The following CCSER1 variants were observed in gnomAD, a reference collection of about 807,000 sequenced individuals.
CCSER1 encodes the protein serine-rich coiled-coil domain-containing protein 1.
A neutral mutation model predicts 82.0 loss-of-function variants in CCSER1; 41 were observed. The ratio of observed to expected loss-of-function variants is 0.50; its 90% CI spans 0.39 to 0.65. The LOEUF (loss-of-function observed/expected upper bound fraction) is 0.65, where lower values mean the gene tolerates loss of function less well. Among genes scored for constraint, CCSER1 ranks in the 30% least tolerant of loss-of-function variants. The probability of loss-of-function intolerance (pLI) is 0.00; values close to 1 mark genes in which losing one functional copy is unlikely to be tolerated. For missense variants in CCSER1, 1,119 were observed against 1,064.2 expected (o/e 1.05, Z -0.72); for synonymous variants, 414 against 383.9 (o/e 1.08, Z -0.92).
chr4:90,960,975 A>G (rs1451086105), intron 9 of CCSER1, among the ~76,000 whole-genome samples: 1 of 152,174 alleles, frequency 6.6e-6, no homozygotes, highest in Non-Finnish European at 1.5e-5. Context: ...CTCAGAGTTC[A>G]TGCTCATAAT....
At chr4:90,710,259 A>G (rs557537478) in intron 6 of CCSER1, among the ~76,000 whole-genome samples, 113 of 151,544 alleles carry the variant, frequency 7.5e-4, no homozygotes, top group African/African-American at 2.6e-3. Context: ...ACTTCATTCT[A>G]GTGATAGTTT....
intron 10 of CCSER1, among the ~76,000 whole-genome samples, chr4:91,501,214 T>C (rs1326213746): frequency 6.6e-6 from 1 of 151,948 alleles, no homozygotes; most frequent in Non-Finnish European, 1.5e-5. Flanking sequence ...AATTATTTGA[T>C]TAGAAAATTA....
At chr4:90,833,361 G>T (rs1761378022) in intron 8 of CCSER1, among the ~76,000 whole-genome samples, 1 of 152,182 alleles carries the variant, frequency 6.6e-6, no homozygotes, top group Non-Finnish European at 1.5e-5. Context: ...TTGCATTGAA[G>T]ATTAAGTTTC....
At chr4:90,704,823 A>G (rs1017713618) in intron 6 of CCSER1, among the ~76,000 whole-genome samples, 17 of 152,262 alleles carry the variant, frequency 1.1e-4, no homozygotes, top group African/African-American at 4.1e-4. Context: ...TTTCAGCTCC[A>G]TCAGGTCATA....
intron 10 of CCSER1, among the ~76,000 whole-genome samples, chr4:91,163,280 A>G (rs1040517315): frequency 6.6e-6 from 1 of 152,208 alleles, no homozygotes; most frequent in Non-Finnish European, 1.5e-5. Context: ...GTTTGAGTAC[A>G]CTATGGTCTT....
intron 5 of CCSER1, among the ~76,000 whole-genome samples, chr4:90,565,953 C>A (rs1383067576): frequency 6.6e-6 from 1 of 151,452 alleles, no homozygotes; most frequent in African/African-American, 2.4e-5. Flanking sequence ...CTCTGCCTCC[C>A]GGGTTCAAGT....
At chr4:91,392,910 A>T (rs1248912377) in intron 10 of CCSER1, among the ~76,000 whole-genome samples, 2 of 152,080 alleles carry the variant, frequency 1.3e-5, no homozygotes, top group African/African-American at 4.8e-5. Flanking sequence ...TAAAGTGATA[A>T]AGAGATGGCT....
At chr4:90,937,047 A>C (rs938103129) in intron 9 of CCSER1, among the ~76,000 whole-genome samples, 1 of 152,198 alleles carries the variant, frequency 6.6e-6, no homozygotes, top group Non-Finnish European at 1.5e-5. Context: ...TTGTCTTCAT[A>C]AACCTCATAT....
At chr4:91,562,296 G>A (rs1045038840) in intron 10 of CCSER1, among the ~76,000 whole-genome samples, 13 of 151,174 alleles carry the variant, frequency 8.6e-5, no homozygotes, top group African/African-American at 2.9e-4. Context: ...TTGGATTATT[G>A]TAATGTCACC....
intron 10 of CCSER1, among the ~76,000 whole-genome samples, chr4:91,518,555 G>T (rs1361067895): frequency 6.6e-6 from 1 of 152,138 alleles, no homozygotes; most frequent in Non-Finnish European, 1.5e-5. Context: ...AGACTGTTCA[G>T]CCAGAGGGTG....
At position 91,202,227 on chromosome 4, in the gene CCSER1, A is replaced by ATATT. The variant is rs561121468; in HGVS notation, c.2217+116235_2217+116236insTTTA. ...TGTTGGGGAGAATCTGCCCTATAAAATAATCAAGCTTCGTATTTCTTATCT... is the reference window on the plus strand; with the variant it reads ...TGTTGGGGAGAATCTGCCCTATAAAATATTTAATCAAGCTTCGTATTTCTTATCT... On this transcript the variant is annotated intron_variant, in intron 10 of 10. Transcript: ENST00000509176. Among the ~76,000 whole-genome samples, 32 of 151,876 alleles carry ATATT rather than the reference A, an allele frequency of 2.1e-4. 1 individual carries two copies. The South Asian group carries it at 6.2e-3, about 30-fold the overall frequency.
In CCSER1 at chr4:90,185,482, T is replaced by A. The variant is rs150289905; in HGVS notation, c.-42+57651T>A. The stretch of plus-strand genomic sequence containing the variant: ...AAGTCAAATGTACAATATGGATACG[T>A]GATGAACAGAGGAGTAAGTCTGCCT... On this transcript the variant is annotated intron_variant, in intron 1 of 10. Transcript: ENST00000509176. 3.8e-3 allele frequency among the ~76,000 whole-genome samples: 572 copies of A among 152,126 alleles called. 1 individual carries two copies. Among genetic ancestry groups the A allele is most frequent in the Middle Eastern group, 0.014 (4 of 294 alleles).
At chr4:90,758,984 C>T (rs563769883) in intron 7 of CCSER1, among the ~76,000 whole-genome samples, 19 of 152,208 alleles carry the variant, frequency 1.2e-4, no homozygotes, top group Non-Finnish European at 2.2e-4. Flanking sequence ...TAGTAACACC[C>T]TATACACTCC....
intron 9 of CCSER1, among the ~76,000 whole-genome samples, chr4:91,055,993 T>C (rs1743411336): frequency 6.6e-6 from 1 of 152,128 alleles, no homozygotes; most frequent in African/African-American, 2.4e-5. Context: ...TATGCGTTTT[T>C]CATTTTTGTC....
intron 9 of CCSER1, among the ~76,000 whole-genome samples, chr4:90,950,933 T>A (rs1732843521): frequency 6.6e-6 from 1 of 152,148 alleles, no homozygotes; most frequent in African/African-American, 2.4e-5. Flanking sequence ...ACTAGTGTGA[T>A]ATCTTTTATC....
At chr4:90,846,039 C>G (rs1386693203) in intron 8 of CCSER1, among the ~76,000 whole-genome samples, 1 of 152,122 alleles carries the variant, frequency 6.6e-6, no homozygotes, top group Non-Finnish European at 1.5e-5. Context: ...TGTCTAATCA[C>G]AGTAGAACAC....
chr4:90,907,030 A>T (rs1365251818), intron 8 of CCSER1, among the ~76,000 whole-genome samples: 1 of 152,162 alleles, frequency 6.6e-6, no homozygotes, highest in Non-Finnish European at 1.5e-5. Context: ...TGCTATCCTA[A>T]CTTGTATTGG....
At position 90,807,054 on chromosome 4, in the gene CCSER1, G is replaced by A. The variant is rs143013379; in HGVS notation, c.2011-8708G>A. ...GTAGTAATACAATAGAGTTTTTGTC[G>A]TAAGGTGGTTATAGTTTGGTGTCAT... On this transcript the variant is annotated intron_variant, in intron 7 of 10. Transcript: ENST00000509176. 5.9e-3 allele frequency among the ~76,000 whole-genome samples: 897 copies of A among 152,074 alleles called. 7 individuals carry two copies. Among genetic ancestry groups the A allele is most frequent in the African/African-American group, 0.021 (855 of 41,478 alleles).
chr4:91,124,432 A>G (rs2148896619), intron 10 of CCSER1, among the ~76,000 whole-genome samples: 1 of 151,758 alleles, frequency 6.6e-6, no homozygotes, highest in African/African-American at 2.4e-5. Flanking sequence ...TTTTTTTCCC[A>G]AAGTGTAGTG....
Sources: allele counts gnomAD v4.1 joint callset (sites outside exome capture counted in the v4.1 genomes callset), GRCh38; gene constraint gnomAD v4.1.1; transcripts MANE v1.5; gene names NCBI Gene and HGNC (gene_info 2026-07-23, HGNC 2026-07-21).